GFRA2: variants seen among roughly 807,000 people sequenced by gnomAD.
GFRA2 encodes the protein GDNF family receptor alpha 2.
GFRA2 carries 17 observed loss-of-function variants against 48.3 expected under a neutral mutation model. The observed-to-expected ratio is 0.35, with a 90% CI of 0.24 to 0.53. GFRA2 has a LOEUF of 0.53. GFRA2 is among the 20% of genes least tolerant of loss of function. The probability of loss-of-function intolerance (pLI) is 0.93; values close to 1 mark genes in which losing one functional copy is unlikely to be tolerated. For synonymous variants in GFRA2, 305 were observed against 257.2 expected, an observed-to-expected ratio of 1.19 and a Z score of -1.78; for missense variants, 660 against 637.3, an observed-to-expected ratio of 1.04 and a Z score of -0.38.
In GFRA2 at chr8:21,691,746, G is replaced by C. The variant is rs1051696425; in HGVS notation, c.*1532C>G. 8 of 152,300 alleles carry C rather than the reference G, an allele frequency of 5.3e-5. No homozygotes were observed. Among genetic ancestry groups the C allele is most frequent in the African/African-American group, 1.7e-4 (7 of 41,456 alleles). 9.4% of individuals were successfully genotyped at this position (152,300 alleles called of 1,614,324 possible). On this transcript the variant is annotated 3_prime_UTR_variant, in exon 9 of 9. Transcript: ENST00000524240. ...GAGCCACAGGCATTTGCGCCAACTG[G>C]AGAAGTGAGCAAAGAGGGAACAGAA... is the stretch of plus-strand genomic sequence containing the variant.
chr8:21,726,900 G>A lies in GFRA2; in HGVS notation c.795-20859C>T, dbSNP rs113102565. On this transcript the variant is annotated intron_variant, in intron 4 of 8. Transcript: ENST00000524240. ...CCCAAGTAGCTGGGACTACAAGCGC[G>A]CACCACCACACCCGGCTAATTTTGT... Among the ~76,000 whole-genome samples the A allele has an allele frequency of 5.8e-3, 883 of 151,630 alleles. 3 individuals carry two copies. The highest frequency in any genetic ancestry group is 0.01 in the African/African-American group (432 of 41,328).
At chr8:21,740,371 T>C (rs1301315378) in intron 4 of GFRA2, among the ~76,000 whole-genome samples, 5 of 152,106 alleles carry the variant, frequency 3.3e-5, no homozygotes, top group Admixed American at 3.3e-4. Flanking sequence ...CTGGCCAACA[T>C]TTCTCTAGCC....
rs1801867178 is a variant in GFRA2, at chr8:21,691,081, C to T, written c.*2197G>A. 3 of 152,122 alleles carry T rather than the reference C, an allele frequency of 2.0e-5. No homozygotes were observed. Among genetic ancestry groups the T allele is most frequent in the Admixed American group, 1.3e-4 (2 of 15,274 alleles). 9.4% of individuals were successfully genotyped at this position (152,122 alleles called of 1,614,324 possible). ...CTGCTCACACATATACAACCAGAAG[C>T]AAAAGCCATTGAGGGGACCTGCGAT... is the stretch of plus-strand genomic sequence containing the variant. On this transcript the variant is annotated 3_prime_UTR_variant, in exon 9 of 9. Transcript: ENST00000524240.
intron 2 of GFRA2, among the ~76,000 whole-genome samples, chr8:21,775,812 G>A (rs1806665077): frequency 6.6e-6 from 1 of 152,080 alleles, no homozygotes; most frequent in Non-Finnish European, 1.5e-5. Context: ...GGGTGCCTTG[G>A]GGGCTCAGGA....
At chr8:21,768,045 T>C (rs2117677626) in intron 3 of GFRA2, among the ~76,000 whole-genome samples, 1 of 152,272 alleles carries the variant, frequency 6.6e-6, no homozygotes, top group South Asian at 2.1e-4. Context: ...GGAAGCTGCC[T>C]TCCTCCTGGC....
chr8:21,745,766 T>G (rs1014277810), intron 4 of GFRA2, among the ~76,000 whole-genome samples: 1 of 152,144 alleles, frequency 6.6e-6, no homozygotes, highest in African/African-American at 2.4e-5. Context: ...ACAGTGACAC[T>G]TGGGTTGGCA....
chr8:21,764,940 G>A (rs1026210727), intron 3 of GFRA2, among the ~76,000 whole-genome samples: 6 of 151,800 alleles, frequency 4.0e-5, no homozygotes, highest in African/African-American at 1.2e-4. Context: ...TCCTCCTCAC[G>A]TCAACATTCC....
chr8:21,718,101 G>A (rs1220740264), intron 4 of GFRA2, among the ~76,000 whole-genome samples: 1 of 152,202 alleles, frequency 6.6e-6, no homozygotes, highest in Non-Finnish European at 1.5e-5. Flanking sequence ...AGGTTTGGCT[G>A]TGTCCCCACC....
chr8:21,712,905 G>A (rs1202354108), intron 4 of GFRA2, among the ~76,000 whole-genome samples: 3 of 152,138 alleles, frequency 2.0e-5, no homozygotes, highest in Non-Finnish European at 4.4e-5. Context: ...CACTCGGCAG[G>A]CTGAGGCAGG....
At chr8:21,719,772 C>A (rs1008151834) in intron 4 of GFRA2, among the ~76,000 whole-genome samples, 4 of 152,054 alleles carry the variant, frequency 2.6e-5, no homozygotes, top group African/African-American at 7.2e-5. Context: ...TCCCTCCCCA[C>A]CCTTCCCCTC....
At chr8:21,726,899 C>T (rs755076088) in intron 4 of GFRA2, among the ~76,000 whole-genome samples, 11 of 151,800 alleles carry the variant, frequency 7.2e-5, no homozygotes, top group African/African-American at 7.3e-5. Flanking sequence ...ACTACAAGCG[C>T]GCACCACCAC....
At chr8:21,711,626 C>CT (rs929982698) in intron 4 of GFRA2, among the ~76,000 whole-genome samples, 1 of 151,222 alleles carries the variant, frequency 6.6e-6, no homozygotes, top group Non-Finnish European at 1.5e-5. Flanking sequence ...CAATGAATAT[C>CT]TTTTTTTAGC....
rs73552640 is a variant in GFRA2, at chr8:21,696,461, G to A, written c.1219-1944C>T. On this transcript the variant is annotated intron_variant, in intron 7 of 8. Transcript: ENST00000524240. Reference sequence around the variant, plus strand: ...CAAAATAAGGCTTGAGAAAACAACCGACAAGAAGGGCCCCAGGGTGGGGCC... The same window carrying A: ...CAAAATAAGGCTTGAGAAAACAACCAACAAGAAGGGCCCCAGGGTGGGGCC... Among the ~76,000 whole-genome samples the A allele has an allele frequency of 5.9e-3, 891 of 152,290 alleles. 4 individuals are homozygous for A. The highest frequency in any genetic ancestry group is 0.017 in the Middle Eastern group (5 of 294).
intron 3 of GFRA2, among the ~76,000 whole-genome samples, chr8:21,754,618 C>T (rs919063227): frequency 1.3e-5 from 2 of 149,730 alleles, no homozygotes; most frequent in African/African-American, 5.0e-5. Context: ...AAGAGATTCT[C>T]CTGCTTCAGC....
chr8:21,695,887 G>A (rs1229866523), intron 7 of GFRA2, among the ~76,000 whole-genome samples: 2 of 152,144 alleles, frequency 1.3e-5, no homozygotes, highest in Non-Finnish European at 1.5e-5. Flanking sequence ...GCTTGTTGGA[G>A]TCTGTGCCTG....
At chr8:21,706,122 A>C (rs1432700766) in intron 4 of GFRA2, 81 bp from the exon 5 acceptor site, 1 of 876,440 alleles carries the variant, frequency 1.1e-6, no homozygotes, top group African/African-American at 1.7e-5. Flanking sequence ...TGCCAGTGGC[A>C]TCTCCTCCCT....
intron 5 of GFRA2, among the ~76,000 whole-genome samples, chr8:21,705,483 C>A (rs546939589): frequency 6.6e-6 from 1 of 152,138 alleles, no homozygotes; most frequent in South Asian, 2.1e-4. Flanking sequence ...TGGGATCAGA[C>A]CCCAGTGCCG....
intron 4 of GFRA2, among the ~76,000 whole-genome samples, chr8:21,717,966 C>T (rs1176438154): frequency 3.3e-5 from 5 of 152,238 alleles, no homozygotes; most frequent in African/African-American, 9.6e-5. Context: ...GTCACATTGA[C>T]TGTGTTTGAA....
chr8:21,790,678 C>T (rs143780303), upstream of GFRA2, among the ~76,000 whole-genome samples: 65 of 152,278 alleles, frequency 4.3e-4, no homozygotes, highest in Admixed American at 9.8e-4. Flanking sequence ...GAGCCTAGGC[C>T]CTAGCTGGGT....
Sources: allele counts gnomAD v4.1 joint callset (sites outside exome capture counted in the v4.1 genomes callset), GRCh38; gene constraint gnomAD v4.1.1; transcripts MANE v1.5; gene names NCBI Gene and HGNC (gene_info 2026-07-23, HGNC 2026-07-21).